CCL28: variants seen among roughly 807,000 people sequenced by gnomAD.
CCL28 encodes the protein C-C motif chemokine 28.
Under a neutral mutation model 7.1 loss-of-function variants are expected in CCL28, and 4 were observed. That is an observed-to-expected ratio of 0.56 (90% CI 0.28 to 1.29). The LOEUF (loss-of-function observed/expected upper bound fraction) is 1.29, where lower values mean the gene tolerates loss of function less well. Among genes scored for constraint, CCL28 ranks in the 50% most tolerant of loss-of-function variants. The pLI is 0.11. For missense variants in CCL28, 151 were observed against 163.4 expected (o/e 0.92, Z 0.41); for synonymous variants, 55 against 57.8 (o/e 0.95, Z 0.22).
At chr5:43,370,172 G>T in the CCL28 span, among the ~76,000 whole-genome samples, 2 of 152,178 alleles carry the variant, frequency 1.3e-5, no homozygotes, top group African/African-American at 4.8e-5. Context: ...AGCTAACCCA[G>T]AAAATTTTGA....
intron 1 of CCL28, among the ~76,000 whole-genome samples, chr5:43,399,760 A>G (rs962323586): frequency 2.6e-5 from 4 of 152,018 alleles, no homozygotes; most frequent in Admixed American, 1.3e-4. Context: ...ATGATAAATC[A>G]TTTGTTCACT....
chr5:43,360,632 G>T, the CCL28 span, among the ~76,000 whole-genome samples: 3 of 152,078 alleles, frequency 2.0e-5, no homozygotes, highest in Non-Finnish European at 4.4e-5. Context: ...GTATTTCATG[G>T]TGTATATGTA....
At chr5:43,358,394 C>G in the CCL28 span, among the ~76,000 whole-genome samples, 1 of 152,204 alleles carries the variant, frequency 6.6e-6, no homozygotes, top group African/African-American at 2.4e-5. Flanking sequence ...TTCAAAATTG[C>G]TTTCCTTATA....
At chr5:43,373,049 C>T (rs1739820977), downstream of CCL28, among the ~76,000 whole-genome samples, 1 of 152,096 alleles carries the variant, frequency 6.6e-6, no homozygotes, top group Non-Finnish European at 1.5e-5. Context: ...GATCCACCCA[C>T]CTCGGCCTCC....
chr5:43,407,625 T>A (rs1083833), intron 1 of CCL28, among the ~76,000 whole-genome samples: 7,027 of 152,166 alleles, frequency 0.046, 230 homozygotes, highest in East Asian at 0.084. Context: ...ATGGCAACAA[T>A]AGCCAAAATT....
At chr5:43,395,806 TTGA>T (rs980290280) in intron 1 of CCL28, among the ~76,000 whole-genome samples, 40 of 151,820 alleles carry the variant, frequency 2.6e-4, no homozygotes, top group South Asian at 8.3e-4. Flanking sequence ...TGGTTATTTC[TTGA>T]TGATATGCTA....
At chr5:43,382,661 C>A (rs1288500176) in intron 2 of CCL28, among the ~76,000 whole-genome samples, 1 of 152,142 alleles carries the variant, frequency 6.6e-6, no homozygotes, top group Non-Finnish European at 1.5e-5. Context: ...CTTGAAAACG[C>A]CTTATTCAAA....
At chr5:43,412,145 C>A (rs1295410044) in intron 1 of CCL28, 108 bp downstream of exon 1, 9 of 709,050 alleles carry the variant, frequency 1.3e-5, no homozygotes, top group Non-Finnish European at 1.9e-5. Flanking sequence ...ATTGGAAATT[C>A]CTGCTTGAAG....
At chr5:43,390,774 C>T (rs78560687) in intron 1 of CCL28, among the ~76,000 whole-genome samples, 1,740 of 152,296 alleles carry the variant, frequency 0.011, 24 homozygotes, top group African/African-American at 0.026. Flanking sequence ...CTCCAGGACC[C>T]ACTATTTGAG....
At chr5:43,392,863 C>G (rs572709027) in intron 1 of CCL28, among the ~76,000 whole-genome samples, 2 of 152,104 alleles carry the variant, frequency 1.3e-5, no homozygotes, top group African/African-American at 4.8e-5. Flanking sequence ...CTTATCTCTT[C>G]TCAGTAATTA....
chr5:43,375,851 C>T (rs886433900), downstream of CCL28, among the ~76,000 whole-genome samples: 2 of 151,892 alleles, frequency 1.3e-5, no homozygotes, highest in Non-Finnish European at 1.5e-5. Flanking sequence ...GAGGCTGAGG[C>T]GGGCGGACCC....
rs1740077048 is a variant in CCL28, at chr5:43,380,761, T to C, written c.*1099A>G. 6.6e-6 allele frequency: 1 copy of C among 151,928 alleles called. No individual in the cohort carries two copies. Among genetic ancestry groups the C allele is most frequent in the African/African-American group, 2.4e-5 (1 of 41,322 alleles). 9.4% of individuals were successfully genotyped at this position (151,928 alleles called of 1,614,324 possible). Reference sequence around the variant, plus strand: ...AGGCTTCAGTGAGCCAAAATCAAAATTGTGCCACTGCACTCCAGCCTGGAA... The same window carrying C: ...AGGCTTCAGTGAGCCAAAATCAAAACTGTGCCACTGCACTCCAGCCTGGAA... On this transcript the variant is annotated 3_prime_UTR_variant, in exon 3 of 3. Transcript: ENST00000361115.
At position 43,393,650 on chromosome 5, in the gene CCL28, C is replaced by T. The variant is rs184593897; in HGVS notation, c.65-5174G>A. 4.0e-3 allele frequency among the ~76,000 whole-genome samples: 606 copies of T among 152,262 alleles called. 1 individual carries two copies. The highest frequency in any genetic ancestry group is 7.6e-3 in the Non-Finnish European group (516 of 68,006). ...GATTACAGGCGTGAGCCACCGCGCC[C>T]GGCCTCCTTTCCTCCATTCTTAAGA... is the stretch of plus-strand genomic sequence containing the variant. On this transcript the variant is annotated intron_variant, in intron 1 of 2. Transcript: ENST00000361115.
chr5:43,390,854 GGACCCA>G (rs1328904740), intron 1 of CCL28, among the ~76,000 whole-genome samples: 1 of 152,158 alleles, frequency 6.6e-6, no homozygotes, highest in Non-Finnish European at 1.5e-5. Context: ...AAGAAAGTGG[GGACCCA>G]GAACATCACA....
chr5:43,389,889 A>G (rs1740501886), intron 1 of CCL28, among the ~76,000 whole-genome samples: 1 of 152,230 alleles, frequency 6.6e-6, no homozygotes, highest in Non-Finnish European at 1.5e-5. Flanking sequence ...TAGGCAATGG[A>G]GAATGTAAAC....
chr5:43,372,954 C>T (rs1739815033), downstream of CCL28, among the ~76,000 whole-genome samples: 1 of 151,170 alleles, frequency 6.6e-6, no homozygotes, highest in Non-Finnish European at 1.5e-5. Flanking sequence ...GCACTCACCA[C>T]CACGCCCGGC....
chr5:43,381,948 C>T lies in CCL28; in HGVS notation c.296G>A (p.Cys99Tyr). Residue 99 changes from cysteine (C) to tyrosine (Y), a missense_variant, in exon 3 of 3, where the codon TGC becomes TAC. By Grantham distance (194) the Cys-to-Tyr change is radical. Coordinates refer to ENST00000361115, the MANE Select transcript of CCL28 (RefSeq NM_148672.3). ...CTTGCCATGGTGTTTCTTCCTGTGGCAAACATTTCCTTTACCATTTTTCTT... is the reference window on the plus strand; with the variant it reads ...CTTGCCATGGTGTTTCTTCCTGTGGTAAACATTTCCTTTACCATTTTTCTT... ...AAKKNGKGNV[C>Y]HRKKHHGKRN... The T allele has an allele frequency of 5.0e-6, 8 of 1,614,136 alleles. No homozygotes were observed. Among genetic ancestry groups the T allele is most frequent in the Non-Finnish European group, 6.8e-6 (8 of 1,179,992 alleles).
At chr5:43,374,712 T>C (rs1254931604), downstream of CCL28, among the ~76,000 whole-genome samples, 23 of 145,078 alleles carry the variant, frequency 1.6e-4, no homozygotes, top group Admixed American at 1.6e-3. Flanking sequence ...ACCTAGGAGG[T>C]GAAGGTTGCA....
intron 1 of CCL28, among the ~76,000 whole-genome samples, chr5:43,407,620 A>G (rs1222554564): frequency 6.6e-6 from 1 of 152,274 alleles, no homozygotes; most frequent in African/African-American, 2.4e-5. Flanking sequence ...AAGCAATGGC[A>G]ACAATAGCCA....
Sources: allele counts gnomAD v4.1 joint callset (sites outside exome capture counted in the v4.1 genomes callset), GRCh38; gene constraint gnomAD v4.1.1; transcripts MANE v1.5; gene names NCBI Gene and HGNC (gene_info 2026-07-23, HGNC 2026-07-21).